The following CA10 variants were observed in gnomAD, a reference collection of about 807,000 sequenced individuals.
The protein encoded by CA10 is carbonic anhydrase 10 (inactive), also known as carbonic anhydrase-related protein 10.
Under a neutral mutation model 44.2 loss-of-function variants are expected in CA10, and 14 were observed. The ratio of observed to expected loss-of-function variants is 0.32; its 90% confidence interval spans 0.21 to 0.50. The LOEUF (loss-of-function observed/expected upper bound fraction) is 0.50. CA10 is among the 20% of genes least tolerant of loss of function. The pLI is 0.99. For missense variants in CA10, 350 were observed against 409.7 expected (o/e 0.85, Z 1.26); for synonymous variants, 159 against 141.6 (o/e 1.12, Z -0.87).
At chr17:51,951,524 A>G (rs1324015888) in intron 2 of CA10, among the ~76,000 whole-genome samples, 2 of 152,198 alleles carry the variant, frequency 1.3e-5, no homozygotes, top group East Asian at 3.8e-4. Context: ...TTTGGTAACA[A>G]CATCCCTTAC....
intron 2 of CA10, among the ~76,000 whole-genome samples, chr17:51,961,216 C>CACAA (rs1005803711): frequency 7.9e-5 from 12 of 151,944 alleles, no homozygotes; most frequent in African/African-American, 2.9e-4. Flanking sequence ...CACACACACA[C>CACAA]ACACACACAC....
intron 2 of CA10, among the ~76,000 whole-genome samples, chr17:51,951,471 A>C (rs1983478970): frequency 6.6e-6 from 1 of 152,148 alleles, no homozygotes; most frequent in South Asian, 2.1e-4. Context: ...ATTATCTTAT[A>C]ACTCTTAGGG....
At chr17:51,727,399 A>ATT (rs77814132) in intron 4 of CA10, among the ~76,000 whole-genome samples, 92 of 149,834 alleles carry the variant, frequency 6.1e-4, no homozygotes, top group African/African-American at 1.3e-3. Context: ...CACCAAGACG[A>ATT]TTTTTTTTTT....
intron 2 of CA10, among the ~76,000 whole-genome samples, chr17:52,018,873 G>C (rs922501118): frequency 2.8e-5 from 2 of 71,440 alleles, no homozygotes; most frequent in Non-Finnish European, 7.5e-5. Context: ...TTTGGGTCAC[G>C]GGGGTAGATC....
At chr17:51,885,736 GCCTT>G (rs1980570213) in intron 3 of CA10, among the ~76,000 whole-genome samples, 2 of 152,200 alleles carry the variant, frequency 1.3e-5, no homozygotes, top group African/African-American at 4.8e-5. Context: ...AGGGGCCAAT[GCCTT>G]CCTTATCTCT....
At chr17:51,916,144 A>ACG (rs386365006) in intron 3 of CA10, among the ~76,000 whole-genome samples, 36,423 of 151,620 alleles carry the variant, frequency 0.24, 4,729 homozygotes, top group East Asian at 0.49. Context: ...TGCTGGAAAC[A>ACG]GTGTCATTGG....
At chr17:51,700,438 C>T (rs976907858) in intron 4 of CA10, among the ~76,000 whole-genome samples, 1 of 152,172 alleles carries the variant, frequency 6.6e-6, no homozygotes. Flanking sequence ...CTCCCACCTC[C>T]GTTTGCTCAT....
chr17:51,828,533 A>T lies in CA10; in HGVS notation c.280-80715T>A, dbSNP rs557601848. ...TTGGCATTGGGTAGATACTAAAAAA[A>T]AAATTTACTGAATGAACGAATTCCT... On this transcript the variant is annotated intron_variant, in intron 3 of 8. Transcript: ENST00000451037. Among the ~76,000 whole-genome samples, 29 of 152,320 alleles carry T rather than the reference A, an allele frequency of 1.9e-4. 1 individual carries two copies. In the South Asian group the frequency reaches 6.0e-3, roughly 32 times the overall value.
At chr17:51,833,999 C>A (rs190995078) in intron 3 of CA10, among the ~76,000 whole-genome samples, 1 of 152,142 alleles carries the variant, frequency 6.6e-6, no homozygotes, top group African/African-American at 2.4e-5. Flanking sequence ...GAAAAGGATG[C>A]GAAGATGATT....
chr17:51,763,413 G>C (rs943332825), intron 3 of CA10: 2 of 152,194 alleles, frequency 1.3e-5, no homozygotes, highest in Non-Finnish European at 2.9e-5. Flanking sequence ...TGGTTCTGAA[G>C]TTATTTGTAC....
At chr17:51,645,599 A>G (rs1913298407) in intron 6 of CA10, among the ~76,000 whole-genome samples, 1 of 152,218 alleles carries the variant, frequency 6.6e-6, no homozygotes, top group Non-Finnish European at 1.5e-5. Context: ...TGCTTCTTCA[A>G]ACTGAACCAA....
chr17:51,775,516 T>G (rs1362788414), intron 3 of CA10, among the ~76,000 whole-genome samples: 1 of 152,204 alleles, frequency 6.6e-6, no homozygotes, highest in Non-Finnish European at 1.5e-5. Context: ...AAGAATCTAT[T>G]GTAAATAGCA....
intron 2 of CA10, among the ~76,000 whole-genome samples, chr17:51,991,542 G>A (rs1985039948): frequency 6.6e-6 from 1 of 152,114 alleles, no homozygotes; most frequent in African/African-American, 2.4e-5. Context: ...AAACGTGGTG[G>A]CTCACACCTG....
chr17:51,983,091 AT>A (rs11479075), intron 2 of CA10, among the ~76,000 whole-genome samples: 16,794 of 151,250 alleles, frequency 0.11, 946 homozygotes, highest in South Asian at 0.13. Context: ...TTTATAGGAA[AT>A]TTTTTTTTAT....
intron 1 of CA10, among the ~76,000 whole-genome samples, chr17:52,074,964 T>G (rs1365369523): frequency 3.9e-5 from 6 of 152,204 alleles, no homozygotes; most frequent in African/African-American, 1.4e-4. Flanking sequence ...TATTGCCAAA[T>G]AGCCAAACAT....
intron 4 of CA10, among the ~76,000 whole-genome samples, chr17:51,675,725 A>T (rs1452297954): frequency 6.6e-6 from 1 of 152,044 alleles, no homozygotes; most frequent in Non-Finnish European, 1.5e-5. Context: ...CAAAAAAAAA[A>T]ACAAAAACAA....
intron 3 of CA10, among the ~76,000 whole-genome samples, chr17:51,884,889 C>T (rs1377476672): frequency 6.6e-6 from 1 of 152,170 alleles, no homozygotes; most frequent in Non-Finnish European, 1.5e-5. Flanking sequence ...CCCTTTCCTC[C>T]ATCATCACCT....
chr17:51,658,845 C>A (rs926537680), intron 4 of CA10, among the ~76,000 whole-genome samples: 1 of 152,148 alleles, frequency 6.6e-6, no homozygotes, highest in Non-Finnish European at 1.5e-5. Flanking sequence ...GGATTGTGCC[C>A]AATTCCTGCG....
At chr17:51,724,989 A>G (rs534085740) in intron 4 of CA10, among the ~76,000 whole-genome samples, 1 of 152,350 alleles carries the variant, frequency 6.6e-6, no homozygotes, top group East Asian at 1.9e-4. Context: ...ATGGTCCTCA[A>G]CAGTCACCAT....
Sources: gnomAD v4.1 joint callset for allele counts (sites outside exome capture counted in the v4.1 genomes callset) on GRCh38, gnomAD v4.1.1 for gene constraint, MANE v1.5 for transcripts, NCBI Gene and HGNC (gene_info 2026-07-23, HGNC 2026-07-21) for gene names.